FRAS1: variants seen among roughly 807,000 people sequenced by gnomAD.
FRAS1 encodes extracellular matrix organizing protein FRAS1.
Under a neutral mutation model 435.2 loss-of-function variants are expected in FRAS1, and 290 were observed. That is an observed-to-expected ratio of 0.67 (90% CI 0.61 to 0.73). The LOEUF (loss-of-function observed/expected upper bound fraction) is 0.73. Among genes scored for constraint, FRAS1 ranks in the 30% least tolerant of loss-of-function variants. FRAS1 has a pLI of 0.00. For missense variants in FRAS1, 4,860 were observed against 5,001.5 expected, an observed-to-expected ratio of 0.97 and a Z score of 0.85; for synonymous variants, 1,800 against 1,851.0, an observed-to-expected ratio of 0.97 and a Z score of 0.71.
chr4:78,379,100 AT>A (rs1731902501), intron 26 of FRAS1: 1 of 152,706 alleles, frequency 6.5e-6, no homozygotes, highest in Non-Finnish European at 1.5e-5. Context: ...GCAGCTCTGA[AT>A]TTACAACATT....
intron 20 of FRAS1, among the ~76,000 whole-genome samples, chr4:78,339,752 A>C (rs1283001963): frequency 3.9e-5 from 6 of 152,234 alleles, no homozygotes; most frequent in Admixed American, 3.9e-4. Context: ...GAGTATAGAA[A>C]GTTCAAAGTT....
At chr4:78,482,294 C>G (rs1720034099) in intron 57 of FRAS1, 94 bp from the exon 58 acceptor site, 2 of 1,403,318 alleles carry the variant, frequency 1.4e-6, no homozygotes, top group Non-Finnish European at 2.0e-6. Flanking sequence ...TTAAAACCAC[C>G]AAAGACAGGC....
chr4:78,536,191 A>ATTGTTTTTTTTTTT (rs1721877908), intron 71 of FRAS1, among the ~76,000 whole-genome samples: 1 of 103,988 alleles, frequency 9.6e-6, no homozygotes, highest in African/African-American at 3.8e-5. Flanking sequence ...TTGTACATGG[A>ATTGTTTTTTTTTTT]TTTTTTTTTT....
intron 36 of FRAS1, 90 bp downstream of exon 36, chr4:78,429,316 GC>G: frequency 6.9e-7 from 1 of 1,451,502 alleles, no homozygotes. Context: ...TGCCAAAAAA[GC>G]AAACTCTTCT....
chr4:78,324,708 C>CTTTTTTTTTTT (rs139942839), intron 18 of FRAS1, among the ~76,000 whole-genome samples: 8 of 88,092 alleles, frequency 9.1e-5, no homozygotes, highest in Admixed American at 1.5e-4. Flanking sequence ...GCTCAGATTC[C>CTTTTTTTTTTT]TTTTTTTTTT....
chr4:78,473,683 T>G, intron 53 of FRAS1, 86 bp downstream of exon 53: 5 of 947,116 alleles, frequency 5.3e-6, no homozygotes, highest in Non-Finnish European at 7.8e-6. Flanking sequence ...GGGGCAGCTC[T>G]AGTCACCTCT....
chr4:78,372,112 G>C (rs79202872), intron 23 of FRAS1, among the ~76,000 whole-genome samples: 1 of 152,166 alleles, frequency 6.6e-6, no homozygotes, highest in African/African-American at 2.4e-5. Context: ...AATTGAGTCC[G>C]TTCTAATGCC....
chr4:78,433,759 A>G (rs1489900549), intron 38 of FRAS1, among the ~76,000 whole-genome samples: 1 of 152,240 alleles, frequency 6.6e-6, no homozygotes, highest in African/African-American at 2.4e-5. Flanking sequence ...ATTCATAAAA[A>G]TGTATGAATT....
chr4:78,113,289 A>T (rs1483728669), intron 2 of FRAS1, among the ~76,000 whole-genome samples: 3 of 152,098 alleles, frequency 2.0e-5, no homozygotes, highest in African/African-American at 7.2e-5. Context: ...AACAAACATA[A>T]GTGTGCACGT....
chr4:78,535,206 C>T (rs1012422585), intron 71 of FRAS1, among the ~76,000 whole-genome samples: 4 of 152,160 alleles, frequency 2.6e-5, no homozygotes, highest in African/African-American at 9.7e-5. Context: ...CATCCTCTGC[C>T]CCTTCCGTGT....
At chr4:78,309,625 C>T (rs11722992) in intron 15 of FRAS1, among the ~76,000 whole-genome samples, 8 of 152,070 alleles carry the variant, frequency 5.3e-5, no homozygotes, top group Non-Finnish European at 1.2e-4. Flanking sequence ...CTCTACTGCT[C>T]ATTATAATGT....
chr4:78,181,355 A>G, intron 2 of FRAS1: 3 of 1,611,528 alleles, frequency 1.9e-6, no homozygotes. Context: ...CAAGTCAGTT[A>G]ATTCGTCTTT....
chr4:78,364,264 G>A (rs1173037800), intron 22 of FRAS1, among the ~76,000 whole-genome samples: 2 of 152,222 alleles, frequency 1.3e-5, no homozygotes, highest in East Asian at 1.9e-4. Context: ...GGGCTTGGCG[G>A]TGGGGTCTCC....
intron 2 of FRAS1, among the ~76,000 whole-genome samples, chr4:78,095,515 C>T (rs1741756398): frequency 6.6e-6 from 1 of 152,118 alleles, no homozygotes; most frequent in African/African-American, 2.4e-5. Context: ...TGTATTAGTC[C>T]ATTTTCATGC....
At position 78,519,274 on chromosome 4, in the gene FRAS1, T is replaced by C; in HGVS notation, c.10390-57T>C. 6 of 1,421,424 alleles carry C rather than the reference T, an allele frequency of 4.2e-6. No individual in the cohort carries two copies. In the South Asian group the frequency reaches 1.0e-4, roughly 24 times the overall value. 88.1% of individuals were successfully genotyped at this position (1,421,424 alleles called of 1,614,324 possible). On this transcript the variant is annotated intron_variant, in intron 66 of 73. Transcript: ENST00000512123. Reference sequence around the variant, plus strand: ...AAATGGAACCAAGATGTGGTGATAGTATGTCTTTTCATCCCAGGGGAGAAA... The same window carrying C: ...AAATGGAACCAAGATGTGGTGATAGCATGTCTTTTCATCCCAGGGGAGAAA...
At chr4:78,440,198 T>A (rs998411747) in intron 40 of FRAS1, among the ~76,000 whole-genome samples, 13 of 150,754 alleles carry the variant, frequency 8.6e-5, no homozygotes, top group African/African-American at 2.4e-4. Flanking sequence ...GCCCGGCTAA[T>A]TTTTTTTGTA....
intron 14 of FRAS1, among the ~76,000 whole-genome samples, chr4:78,297,785 G>A (rs939607934): frequency 6.6e-6 from 1 of 152,058 alleles, no homozygotes; most frequent in Non-Finnish European, 1.5e-5. Flanking sequence ...AGAAATTATG[G>A]TGAAAAGTCA....
At chr4:78,475,354 A>T in intron 53 of FRAS1, 84 bp from the exon 54 acceptor site, 1 of 1,481,126 alleles carries the variant, frequency 6.8e-7, no homozygotes, top group Non-Finnish European at 9.4e-7. Context: ...GCCAAGAACC[A>T]AATGGAAGAG....
At chr4:78,419,898 C>T (rs570909519) in intron 33 of FRAS1, among the ~76,000 whole-genome samples, 3 of 152,174 alleles carry the variant, frequency 2.0e-5, no homozygotes, top group Non-Finnish European at 4.4e-5. Flanking sequence ...TAAAATCTCA[C>T]TCACTCACTC....
Sources: gnomAD v4.1 joint callset for allele counts (sites outside exome capture counted in the v4.1 genomes callset) on GRCh38, gnomAD v4.1.1 for gene constraint, MANE v1.5 for transcripts, NCBI Gene and HGNC (gene_info 2026-07-23, HGNC 2026-07-21) for gene names.